Variants in ANAPC7 observed in about 807,000 individuals in gnomAD.
ANAPC7 encodes the protein anaphase promoting complex subunit 7.
Under a neutral mutation model 63.3 loss-of-function variants are expected in ANAPC7, and 25 were observed. That is an observed-to-expected ratio of 0.39 (90% CI 0.29 to 0.55). The LOEUF (loss-of-function observed/expected upper bound fraction) is 0.55. Ranked by LOEUF, ANAPC7 falls within the 20% of genes least tolerant of loss-of-function variation. The probability of loss-of-function intolerance (pLI) is 0.57; values close to 1 mark genes in which losing one functional copy is unlikely to be tolerated. For synonymous variants in ANAPC7, 241 were observed against 251.7 expected (o/e 0.96, Z 0.40); for missense variants, 516 against 691.7 (o/e 0.75, Z 2.85).
intron 1 of ANAPC7, among the ~76,000 whole-genome samples, chr12:110,400,620 G>C (rs929310431): frequency 6.6e-6 from 1 of 152,166 alleles, no homozygotes; most frequent in African/African-American, 2.4e-5. Flanking sequence ...CGTGGAAACT[G>C]TATGCTTTGG....
intron 6 of ANAPC7, among the ~76,000 whole-genome samples, chr12:110,385,517 A>C (rs1882374240): frequency 6.6e-6 from 1 of 152,120 alleles, no homozygotes; most frequent in East Asian, 1.9e-4. Context: ...CTGTTGCCAG[A>C]CTAGTATTTC....
chr12:110,387,917 A>G (rs1160422641), intron 4 of ANAPC7, 25 bp from the exon 5 acceptor site: 9 of 1,610,730 alleles, frequency 5.6e-6, no homozygotes, highest in Non-Finnish European at 6.8e-6. Context: ...AGCAGAAGAA[A>G]GAAAGTAAGG....
intron 8 of ANAPC7, chr12:110,378,603 C>G (rs572090386): frequency 6.6e-6 from 1 of 152,268 alleles, no homozygotes; most frequent in African/African-American, 2.4e-5. Flanking sequence ...ACACCCACAG[C>G]GAGACGCCCT....
chr12:110,386,256 G>A, intron 6 of ANAPC7, 71 bp downstream of exon 6: 1 of 1,583,968 alleles, frequency 6.3e-7, no homozygotes, highest in Non-Finnish European at 8.6e-7. Context: ...TATTAATGCT[G>A]CATATTCTCC....
intron 3 of ANAPC7, 50 bp downstream of exon 3, chr12:110,395,051 G>A: frequency 1.9e-6 from 3 of 1,579,016 alleles, no homozygotes; most frequent in South Asian, 1.1e-5. Flanking sequence ...TGGAGAGAGG[G>A]AGCAGGGTTA....
In ANAPC7 at chr12:110,386,365, A is replaced by G. The variant is rs1327681707; in HGVS notation, c.779T>C (p.Phe260Ser). ...AGDNKNSVLKFEQAQMLDPYL... is the reference protein window; with the variant it reads ...AGDNKNSVLKSEQAQMLDPYL... The stretch of plus-strand genomic sequence containing the variant: ...AGGATCCAACATCTGTGCCTGTTCA[A>G]ACTTGAGGACAGAGTTTTTATTGTC... The change falls in exon 6 of 11, where the codon TTT (phenylalanine) becomes TCT (serine). Residue 260 changes from phenylalanine to serine, a missense_variant. Coordinates refer to ENST00000455511, the MANE Select transcript of ANAPC7 (RefSeq NM_016238.3). The G allele has an allele frequency of 2.5e-6, 4 of 1,614,140 alleles. No individual in the cohort carries two copies. Among genetic ancestry groups the G allele is most frequent in the Non-Finnish European group, 2.5e-6 (3 of 1,180,020 alleles).
In ANAPC7 at chr12:110,377,488, G is replaced by C; in HGVS notation, c.1262C>G (p.Pro421Arg). ...TGTTTTGGCTTTCTCCTGTGTCACT[G>C]GGTCTTCAAGACAAACGGTGGCTAA... Reference protein sequence around the residue: ...TLLATVCLEDPVTQEKAKTLL... With the variant: ...TLLATVCLEDRVTQEKAKTLL... Residue 421 changes from proline (P) to arginine (R), a missense_variant, in exon 9 of 11, where the codon CCA becomes CGA. Pro to Arg is a moderately radical substitution (Grantham distance 103). This residue lies in a region of ANAPC7 where 122 missense variants were observed against 212.0 expected (regional missense o/e 0.58). Coordinates refer to ENST00000455511, the MANE Select transcript of ANAPC7 (RefSeq NM_016238.3). 6.2e-7 allele frequency: 1 copy of C among 1,614,166 alleles called. No homozygotes were observed. The highest frequency in any genetic ancestry group is 8.5e-7 in the Non-Finnish European group (1 of 1,180,032).
chr12:110,403,028 C>T (rs1406126706), intron 1 of ANAPC7, among the ~76,000 whole-genome samples: 1 of 152,202 alleles, frequency 6.6e-6, no homozygotes, highest in African/African-American at 2.4e-5. Context: ...AGGCGTGAGC[C>T]ACCGCGCCCG....
Position 110,373,995 on chromosome 12 carries a change from A to G in ANAPC7, c.*149T>C, listed in dbSNP as rs1373868813. 2.3e-6 allele frequency: 2 copies of G among 865,112 alleles called. No individual in the cohort carries two copies. The highest frequency in any genetic ancestry group is 3.4e-5 in the African/African-American group (2 of 58,372). 53.6% of individuals were successfully genotyped at this position (865,112 alleles called of 1,614,324 possible). A position where few individuals can be genotyped will look rare whatever the true frequency, so the allele number is the denominator to read the frequency against. ...GCTCTGTTTTAGAAATGAAGTCACG[A>G]CTAGGAATTGGGAGCGAGGGGGCAG... is the stretch of plus-strand genomic sequence containing the variant. On this transcript the variant is annotated 3_prime_UTR_variant, in exon 11 of 11. Transcript: ENST00000455511.
rs1387153234 is a variant in ANAPC7, at chr12:110,381,852, A to C, written c.1032T>G (p.Leu344=). 2 of 1,612,916 alleles carry C rather than the reference A, an allele frequency of 1.2e-6. No homozygotes were observed. Among genetic ancestry groups the C allele is most frequent in the South Asian group, 2.2e-5 (2 of 91,022 alleles). The change falls in exon 8 of 11, where the codon CTT becomes CTG. Residue 344 remains leucine (L), a synonymous_variant. Transcript: ENST00000455511. Reference sequence around the variant, plus strand: ...CCATGTTCCTAAGTGCTGCTCCCTTAAGTAGCAGAGCTTGAACACTATTAC... The same window carrying C: ...CCATGTTCCTAAGTGCTGCTCCCTTCAGTAGCAGAGCTTGAACACTATTAC... ...LNSNSVQALL[L]KGAALRNMGR... is the part of the protein sequence containing the mutation.
At chr12:110,389,910 A>C (rs1364000511) in intron 3 of ANAPC7, among the ~76,000 whole-genome samples, 1 of 151,722 alleles carries the variant, frequency 6.6e-6, no homozygotes. Context: ...CCAGACTGGG[A>C]GACAGAGCGA....
chr12:110,396,291 T>C lies in ANAPC7; in HGVS notation c.263A>G (p.Asn88Ser), dbSNP rs1211492123. The C allele has an allele frequency of 6.2e-7, 1 of 1,612,680 alleles. No individual in the cohort carries two copies. Among genetic ancestry groups the C allele is most frequent in the Non-Finnish European group, 8.5e-7 (1 of 1,179,534 alleles). The stretch of plus-strand genomic sequence containing the variant: ...CTGACTTTGTGGAGTAGATGCAGAA[T>C]TTCCAGTTGAAGGTCTCACTTTTGA... ...KTSKVRPSTG[N>S]SASTPQSQCL... The change falls in exon 2 of 11, where the codon AAT becomes AGT. Residue 88 changes from asparagine (N) to serine (S), a missense_variant. Physicochemically the swap from Asn to Ser is conservative, Grantham distance 46. Around this residue, in one of 4 missense-constraint regions of ANAPC7, gnomAD observed 185 missense variants for 200.3 expected, o/e 0.92. Transcript: ENST00000455511.
intron 1 of ANAPC7, among the ~76,000 whole-genome samples, chr12:110,400,379 C>A (rs970333492): frequency 1.3e-5 from 2 of 152,140 alleles, no homozygotes; most frequent in African/African-American, 2.4e-5. Context: ...GATCTGCATG[C>A]CCCTTCTCCA....
intron 1 of ANAPC7, among the ~76,000 whole-genome samples, chr12:110,401,945 C>A (rs921165154): frequency 8.2e-6 from 1 of 121,874 alleles, no homozygotes. Context: ...AGCGAGACTC[C>A]GTCTCAAAAA....
At chr12:110,379,935 A>T (rs1881660900) in intron 8 of ANAPC7, among the ~76,000 whole-genome samples, 2 of 152,158 alleles carry the variant, frequency 1.3e-5, no homozygotes, top group South Asian at 4.1e-4. Context: ...TTGGACCCTG[A>T]TTGTGCCCAC....
In ANAPC7 at chr12:110,377,505, G is replaced by A. The variant is rs140917138; in HGVS notation, c.1245C>T (p.Thr415=). ...GTGTCACTGGGTCTTCAAGACAAAC[G>A]GTGGCTAAAAGGGTAAGGGTCTGTG... ...ANAQTLTLLA[T]VCLEDPVTQE... Residue 415 remains threonine (T), a synonymous_variant, in exon 9 of 11, where the codon ACC becomes ACT. Coordinates refer to ENST00000455511, the MANE Select transcript of ANAPC7 (RefSeq NM_016238.3). The A allele has an allele frequency of 1.7e-3, 2,673 of 1,614,140 alleles. 3 individuals are homozygous for A. Among genetic ancestry groups the A allele is most frequent in the Admixed American group, 2.1e-3 (124 of 60,006 alleles).
Position 110,396,308 on chromosome 12 carries a change from C to A in ANAPC7, c.246G>T (p.Val82=). ...QKKALSKTSK[V]RPSTGNSAST... is the part of the protein sequence containing the mutation. ...ATGCAGAATTTCCAGTTGAAGGTCT[C>A]ACTTTTGAAGTTTTACTTAGCGCTT... is the stretch of plus-strand genomic sequence containing the variant. Residue 82 remains valine (V), a synonymous_variant, in exon 2 of 11, where the codon GTG becomes GTT. Transcript: ENST00000455511. 1 of 1,613,642 alleles carries A rather than the reference C, an allele frequency of 6.2e-7. No homozygotes were observed. The highest frequency in any genetic ancestry group is 1.1e-5 in the South Asian group (1 of 90,972).
intron 10 of ANAPC7, chr12:110,375,481 G>C (rs1881182816): frequency 1.0e-6 from 1 of 983,548 alleles, no homozygotes; most frequent in Non-Finnish European, 1.2e-6. Flanking sequence ...GTATTAAACA[G>C]TAAGAATACC....
chr12:110,382,090 G>A lies in ANAPC7; in HGVS notation c.936-142C>T, dbSNP rs368110252. 75 of 818,508 alleles carry A rather than the reference G, an allele frequency of 9.2e-5. No individual in the cohort carries two copies. The African/African-American group carries it at 1.3e-3, about 14-fold the overall frequency. The allele number at this position is 818,508 out of a possible 1,614,324, so 50.7% of individuals were successfully genotyped here. On this transcript the variant is annotated intron_variant, in intron 7 of 10. Coordinates refer to ENST00000455511, the MANE Select transcript of ANAPC7 (RefSeq NM_016238.3). ...AACCACACTTATAGTTTTAACCTAAGATATTAGTAGAAAAGCAAAACAAAC... is the reference window on the plus strand; with the variant it reads ...AACCACACTTATAGTTTTAACCTAAAATATTAGTAGAAAAGCAAAACAAAC...
Sources: allele counts gnomAD v4.1 joint callset (sites outside exome capture counted in the v4.1 genomes callset), GRCh38; gene constraint gnomAD v4.1.1; regional missense constraint gnomAD v4.1.1; transcripts MANE v1.5; gene names NCBI Gene and HGNC (gene_info 2026-07-23, HGNC 2026-07-21).